Variants in QSER1 observed in about 807,000 individuals in gnomAD.
QSER1 encodes glutamine and serine rich 1.
Under a neutral mutation model 158.5 loss-of-function variants are expected in QSER1, and 49 were observed. The observed-to-expected ratio is 0.31, with a 90% CI of 0.25 to 0.39. QSER1 has a LOEUF of 0.39. Ranked by LOEUF, QSER1 falls within the 10% of genes least tolerant of loss-of-function variation. QSER1 has a pLI of 1.00. For synonymous variants in QSER1, 650 were observed against 715.5 expected (o/e 0.91, Z 1.46); for missense variants, 1,754 against 2,010.3 (o/e 0.87, Z 2.44).
chr11:32,911,680 C>T (rs1851768821), intron 1 of QSER1, among the ~76,000 whole-genome samples: 1 of 152,204 alleles, frequency 6.6e-6, no homozygotes, highest in African/African-American at 2.4e-5. Context: ...CACTTGCTGT[C>T]TCTCCTGCCA....
intron 9 of QSER1, among the ~76,000 whole-genome samples, chr11:32,967,118 A>G (rs1852763297): frequency 6.6e-6 from 1 of 152,198 alleles, no homozygotes; most frequent in Non-Finnish European, 1.5e-5. Context: ...ATGAGTGAAT[A>G]AAGAAAATAT....
intron 11 of QSER1, among the ~76,000 whole-genome samples, chr11:32,974,419 C>G (rs1307286394): frequency 6.8e-6 from 1 of 146,292 alleles, no homozygotes; most frequent in Non-Finnish European, 1.5e-5. Context: ...GAATGAGACA[C>G]TGTCTCAAAA....
intron 1 of QSER1, among the ~76,000 whole-genome samples, chr11:32,916,643 T>C (rs1851834261): frequency 6.6e-6 from 1 of 152,208 alleles, no homozygotes; most frequent in South Asian, 2.1e-4. Flanking sequence ...CCCTGAATAC[T>C]CTAGGCAGTT....
intron 10 of QSER1, among the ~76,000 whole-genome samples, chr11:32,970,708 A>C (rs944251657): frequency 1.3e-5 from 2 of 152,136 alleles, no homozygotes; most frequent in African/African-American, 2.4e-5. Flanking sequence ...ACCCAGCCCT[A>C]GCCCAGTGTT....
rs769309546 is a variant in QSER1 at position 32,907,477 on chromosome 11, G to A, written c.209+14143G>A. On this transcript the variant is annotated intron_variant, in intron 1 of 12. Transcript: ENST00000650167. ...TGTTGTAGTGAAAAATTGACTCTAC[G>A]GTTTTCTCAAACAAGGGAGAAAATT... Among the ~76,000 whole-genome samples, 68 of 152,098 alleles carry A rather than the reference G, an allele frequency of 4.5e-4. 1 individual carries two copies. Among genetic ancestry groups the A allele is most frequent in the African/African-American group, 3.1e-4 (13 of 41,504 alleles).
intron 12 of QSER1, among the ~76,000 whole-genome samples, chr11:32,976,083 A>T (rs1852971897): frequency 6.6e-6 from 1 of 151,950 alleles, no homozygotes; most frequent in Non-Finnish European, 1.5e-5. Flanking sequence ...AAAATGCAGA[A>T]TCGACTCCAA....
intron 4 of QSER1, among the ~76,000 whole-genome samples, chr11:32,946,699 C>T (rs1022688536): frequency 2.6e-5 from 4 of 152,058 alleles, no homozygotes; most frequent in Non-Finnish European, 4.4e-5. Flanking sequence ...CTGTACCCTG[C>T]CCCCAGAGGT....
Position 32,958,074 on chromosome 11 carries a change from A to G in QSER1, c.4957A>G (p.Ser1653Gly). Reference protein sequence around the residue: ...DSSPEIHTSSSDDEEFEPPAP... With the variant: ...DSSPEIHTSSGDDEEFEPPAP... ...ATCTCCTGAGATCCATACTAGTAGT[A>G]GTGACGATGAGGGTGAGTTTTCCGT... The change falls in exon 8 of 13, where the codon AGT (serine) becomes GGT (glycine). Residue 1653 changes from serine (S) to glycine (G), a missense_variant. By Grantham distance (56) the Ser-to-Gly change is moderately conservative. Transcript: ENST00000650167. 1.9e-6 allele frequency: 3 copies of G among 1,613,682 alleles called. No homozygotes were observed. Among genetic ancestry groups the G allele is most frequent in the Non-Finnish European group, 2.5e-6 (3 of 1,179,684 alleles).
chr11:32,904,524 TA>T (rs1187799940), intron 1 of QSER1, among the ~76,000 whole-genome samples: 6 of 151,846 alleles, frequency 4.0e-5, no homozygotes, highest in African/African-American at 1.5e-4. Context: ...TAGCCGTGAA[TA>T]TGAATATGTG....
At chr11:32,938,605 T>C (rs1466757635) in intron 4 of QSER1, among the ~76,000 whole-genome samples, 1 of 152,216 alleles carries the variant, frequency 6.6e-6, no homozygotes, top group Admixed American at 6.5e-5. Flanking sequence ...TTCTGGAACA[T>C]AGGCTTGCTG....
At chr11:32,931,553 A>G (rs1852046747) in intron 3 of QSER1, among the ~76,000 whole-genome samples, 190 bp from the exon 4 acceptor site, 1 of 152,146 alleles carries the variant, frequency 6.6e-6, no homozygotes, top group Non-Finnish European at 1.5e-5. Flanking sequence ...CTCTTAAAAA[A>G]AAAAGAAAAG....
At position 32,932,461 on chromosome 11, in the gene QSER1, G is replaced by T. The variant is rs1394870842; in HGVS notation, c.1203G>T (p.Gly401=). The change falls in exon 4 of 13, where the codon GGG becomes GGT. Residue 401 remains glycine, a synonymous_variant. Transcript: ENST00000650167. ...ACTCATCTGCGATTCCATCATCAGG[G>T]TATCCTCCTTCTACTACAAAAATAA... ...QSYSSAIPSS[G]YPPSTTKIKS... is the part of the protein sequence containing the mutation. The T allele has an allele frequency of 4.3e-6, 7 of 1,613,428 alleles. No homozygotes were observed. The highest frequency in any genetic ancestry group is 5.9e-6 in the Non-Finnish European group (7 of 1,180,010).
intron 1 of QSER1, among the ~76,000 whole-genome samples, chr11:32,898,562 C>T (rs1851586480): frequency 6.6e-6 from 1 of 151,700 alleles, no homozygotes. Context: ...TCTGCGTTTA[C>T]TGACCAATTT....
intron 11 of QSER1, among the ~76,000 whole-genome samples, 161 bp from the exon 12 acceptor site, chr11:32,975,087 C>G (rs1852948378): frequency 1.3e-5 from 2 of 151,660 alleles, no homozygotes; most frequent in Admixed American, 6.6e-5. Flanking sequence ...AATTTAAATT[C>G]TTATTTTGAA....
rs182347642 is a variant in QSER1 at position 32,894,527 on chromosome 11, A to G, written c.209+1193A>G. On this transcript the variant is annotated intron_variant, in intron 1 of 12. Transcript: ENST00000650167. ...AAGTGAACTTTTGTTTTAAGTTTAT[A>G]CATTACCGTGTTCCAGGTTATCTTC... Among the ~76,000 whole-genome samples the G allele has an allele frequency of 1.9e-4, 29 of 152,356 alleles. No homozygotes were observed. The East Asian group carries it at 4.2e-3, about 22-fold the overall frequency.
rs1366491206 is a variant in QSER1, at chr11:32,933,687, C to G, written c.2429C>G (p.Pro810Arg). 5.0e-6 allele frequency: 8 copies of G among 1,613,524 alleles called. No homozygotes were observed. The highest frequency in any genetic ancestry group is 2.2e-5 in the South Asian group (2 of 90,966). The change falls in exon 4 of 13, where the codon CCT becomes CGT. Residue 810 changes from proline (P) to arginine (R), a missense_variant. Physicochemically the swap from Pro to Arg is moderately radical, Grantham distance 103. Transcript: ENST00000650167. ...ACTAAAGACTTAAAGCAGCAACATC[C>G]TCTCATACTTAAGGTGCATGAGTCC... The part of the protein sequence containing the change: ...LNTKDLKQQH[P>R]LILKVHESKV...
chr11:32,902,428 T>A (rs990934751), intron 1 of QSER1, among the ~76,000 whole-genome samples: 1 of 152,220 alleles, frequency 6.6e-6, no homozygotes, highest in African/African-American at 2.4e-5. Context: ...ATTCTTATGC[T>A]GCTTGTCCAG....
chr11:32,971,848 G>A (rs1350247966), intron 10 of QSER1, among the ~76,000 whole-genome samples: 1 of 152,088 alleles, frequency 6.6e-6, no homozygotes, highest in Non-Finnish European at 1.5e-5. Flanking sequence ...CGGATCATGA[G>A]GTCAGGAGAT....
chr11:32,966,693 T>C (rs1852755697), intron 9 of QSER1, among the ~76,000 whole-genome samples: 1 of 152,206 alleles, frequency 6.6e-6, no homozygotes, highest in South Asian at 2.1e-4. Flanking sequence ...TAGAATCTAA[T>C]CATCCTCATA....
Sources: gnomAD v4.1 joint callset for allele counts (sites outside exome capture counted in the v4.1 genomes callset) on GRCh38, gnomAD v4.1.1 for gene constraint, MANE v1.5 for transcripts, NCBI Gene and HGNC (gene_info 2026-07-23, HGNC 2026-07-21) for gene names.